Variants in KATNIP observed in about 807,000 individuals in gnomAD.
KATNIP encodes katanin interacting protein.
In KATNIP, 126 loss-of-function variants were observed where a neutral mutation model predicts 174.0. The ratio of observed to expected loss-of-function variants is 0.72; its 90% CI spans 0.63 to 0.84. KATNIP has a LOEUF of 0.84. Ranked by LOEUF, KATNIP falls within the 40% of genes least tolerant of loss-of-function variation. KATNIP has a pLI of 0.00. For missense variants in KATNIP, 1,958 were observed against 2,109.7 expected (o/e 0.93, Z 1.41); for synonymous variants, 810 against 835.7 (o/e 0.97, Z 0.53).
intron 1 of KATNIP, among the ~76,000 whole-genome samples, chr16:27,565,705 G>A (rs2090060258): frequency 6.6e-6 from 1 of 151,428 alleles, no homozygotes; most frequent in Non-Finnish European, 1.5e-5. Flanking sequence ...AATGGCTTGA[G>A]CCCAGGAGTT....
chr16:27,775,914 T>C (rs1043050879), intron 24 of KATNIP, among the ~76,000 whole-genome samples: 5 of 152,192 alleles, frequency 3.3e-5, no homozygotes, highest in African/African-American at 1.2e-4. Context: ...ACCCCCCCTA[T>C]TGAGCGTCCT....
At chr16:27,713,337 A>T (rs955396068) in intron 13 of KATNIP, among the ~76,000 whole-genome samples, 1 of 152,140 alleles carries the variant, frequency 6.6e-6, no homozygotes, top group Non-Finnish European at 1.5e-5. Context: ...GCACACTTAC[A>T]TGTATTGGGG....
At chr16:27,773,074 T>C (rs1252798245) in intron 22 of KATNIP, 25 bp from the exon 23 acceptor site, 2 of 1,418,500 alleles carry the variant, frequency 1.4e-6, no homozygotes, top group Admixed American at 2.0e-5. Flanking sequence ...AATTAAGCCT[T>C]CTTTTCCTTA....
chr16:27,573,954 G>T lies in KATNIP; in HGVS notation c.61G>T (p.Glu21Ter), dbSNP rs1567450023. 1.2e-6 allele frequency: 2 copies of T among 1,614,084 alleles called. No individual in the cohort carries two copies. The highest frequency in any genetic ancestry group is 2.2e-5 in the South Asian group (2 of 91,078). ...RSWSCSREKK[E>*]GYAKDMVTDF... is the part of the protein sequence containing the mutation. ...CTGGTCCTGCTCACGAGAGAAAAAG[G>T]AGGTAAATGTGTCCCTGGCGAGGGC... The change falls in exon 2 of 28, where the codon GAG becomes TAG. Residue 21 changes from glutamate (E) to a stop codon, truncating the protein, a stop_gained and splice_region_variant. Coordinates refer to ENST00000261588, the MANE Select transcript of KATNIP (RefSeq NM_015202.5). LOFTEE classifies it high-confidence loss of function.
chr16:27,648,937 CA>C (rs1445719779), intron 6 of KATNIP, among the ~76,000 whole-genome samples: 2 of 152,196 alleles, frequency 1.3e-5, no homozygotes, highest in African/African-American at 4.8e-5. Flanking sequence ...ACCCGGTGAC[CA>C]GGGGTCGGTG....
At chr16:27,663,251 C>A (rs1451135095) in intron 6 of KATNIP, among the ~76,000 whole-genome samples, 1 of 146,880 alleles carries the variant, frequency 6.8e-6, no homozygotes. Context: ...TCCCGCTTGG[C>A]CTCCCAAAGT....
intron 12 of KATNIP, among the ~76,000 whole-genome samples, chr16:27,707,305 A>G (rs1348391843): frequency 6.6e-6 from 1 of 152,182 alleles, no homozygotes; most frequent in African/African-American, 2.4e-5. Context: ...CAGTGCTGCA[A>G]TCAGCCCTGG....
chr16:27,612,304 A>C (rs1349408658), intron 2 of KATNIP, among the ~76,000 whole-genome samples: 1 of 152,116 alleles, frequency 6.6e-6, no homozygotes, highest in Non-Finnish European at 1.5e-5. Flanking sequence ...GTGACACAGA[A>C]CCAGGCTGGA....
intron 6 of KATNIP, among the ~76,000 whole-genome samples, chr16:27,677,188 C>T (rs967114269): frequency 1.2e-4 from 18 of 152,236 alleles, no homozygotes; most frequent in Non-Finnish European, 4.4e-5. Flanking sequence ...TGCCGCTCAA[C>T]ACCCTGCAAT....
In KATNIP at chr16:27,775,073, C is replaced by G. The variant is rs1055513598; in HGVS notation, c.4438C>G (p.Leu1480Val). The change falls in exon 24 of 28, where the codon CTG becomes GTG. Residue 1480 changes from leucine (L) to valine (V), a missense_variant. By Grantham distance (32) the Leu-to-Val change is conservative. This residue lies in a region of KATNIP where 383 missense variants were observed against 456.0 expected (regional missense o/e 0.84). Transcript: ENST00000261588. ...DGRHMWLAPI[L>V]PGLVNRVYVI... ...CCGGCACATGTGGCTGGCTCCCATC[C>G]TGCCGGGCCTGGTGGGTTCCCGGCA... 6.2e-7 allele frequency: 1 copy of G among 1,611,814 alleles called. No homozygotes were observed. The highest frequency in any genetic ancestry group is 1.7e-5 in the Admixed American group (1 of 59,902).
intron 16 of KATNIP, 90 bp from the exon 17 acceptor site, chr16:27,751,629 G>A: frequency 1.6e-6 from 2 of 1,223,658 alleles, no homozygotes; most frequent in Non-Finnish European, 2.4e-6. Flanking sequence ...GGGTTGTACA[G>A]CACAGAAGTG....
chr16:27,771,175 A>T (rs2082285021), intron 21 of KATNIP, among the ~76,000 whole-genome samples: 1 of 152,110 alleles, frequency 6.6e-6, no homozygotes, highest in South Asian at 2.1e-4. Context: ...GGGGTTGGTT[A>T]AGAAAGGGGG....
At chr16:27,599,581 C>A (rs936773230) in intron 2 of KATNIP, among the ~76,000 whole-genome samples, 2 of 152,196 alleles carry the variant, frequency 1.3e-5, no homozygotes, top group African/African-American at 4.8e-5. Context: ...TTCTTTCCAG[C>A]CTGTCACCAA....
At chr16:27,774,724 C>T (rs1157640424) in intron 23 of KATNIP, among the ~76,000 whole-genome samples, 3 of 152,194 alleles carry the variant, frequency 2.0e-5, no homozygotes, top group Non-Finnish European at 4.4e-5. Context: ...TTCCTTCTCT[C>T]TCTACTTGAA....
chr16:27,747,500 T>A (rs367593214), intron 15 of KATNIP, among the ~76,000 whole-genome samples: 44 of 152,266 alleles, frequency 2.9e-4, no homozygotes, highest in African/African-American at 5.5e-4. Context: ...AGGTTCTCTC[T>A]ATAGGGTAGC....
At chr16:27,706,056 C>T (rs1409090384) in intron 12 of KATNIP, among the ~76,000 whole-genome samples, 1 of 152,156 alleles carries the variant, frequency 6.6e-6, no homozygotes, top group African/African-American at 2.4e-5. Flanking sequence ...ATGACAGACT[C>T]TTCTCATTGA....
chr16:27,726,130 G>T (rs770539169), intron 14 of KATNIP, among the ~76,000 whole-genome samples: 1 of 152,162 alleles, frequency 6.6e-6, no homozygotes, highest in African/African-American at 2.4e-5. Flanking sequence ...ATTCTCATAG[G>T]CATGGGAACC....
intron 1 of KATNIP, among the ~76,000 whole-genome samples, chr16:27,551,450 C>T (rs549257081): frequency 9.8e-5 from 15 of 152,356 alleles, no homozygotes; most frequent in Non-Finnish European, 2.2e-4. Flanking sequence ...TATAGAACAT[C>T]AGTCCTCAAA....
intron 6 of KATNIP, among the ~76,000 whole-genome samples, chr16:27,673,353 A>G (rs756255537): frequency 6.6e-6 from 1 of 152,176 alleles, no homozygotes; most frequent in Non-Finnish European, 1.5e-5. Context: ...CTAGGAACTC[A>G]TGTTGCCCTG....
Sources: gnomAD v4.1 joint callset for allele counts (sites outside exome capture counted in the v4.1 genomes callset) on GRCh38, gnomAD v4.1.1 for gene constraint, gnomAD v4.1.1 regional missense constraint, MANE v1.5 for transcripts, NCBI Gene and HGNC (gene_info 2026-07-23, HGNC 2026-07-21) for gene names.